The following PIAS1 variants were observed in gnomAD, a reference collection of about 807,000 sequenced individuals.
PIAS1 encodes E3 SUMO-protein ligase PIAS1.
PIAS1 carries 6 observed loss-of-function variants against 71.3 expected under a neutral mutation model. That is an observed-to-expected ratio of 0.08 (90% CI 0.05 to 0.17). The LOEUF is 0.17. PIAS1 is among the 10% of genes least tolerant of loss of function. The pLI is 1.00. For synonymous variants in PIAS1, 303 were observed against 292.9 expected (o/e 1.03, Z -0.35); for missense variants, 555 against 793.6 (o/e 0.70, Z 3.61).
chr15:68,091,070 G>T (rs1011514373), intron 2 of PIAS1, among the ~76,000 whole-genome samples: 1 of 151,852 alleles, frequency 6.6e-6, no homozygotes, highest in African/African-American at 2.4e-5. Context: ...TTTTAATCTT[G>T]ATAGGATGTT....
At chr15:68,140,952 G>A (rs1379203777) in intron 2 of PIAS1, among the ~76,000 whole-genome samples, 2 of 151,994 alleles carry the variant, frequency 1.3e-5, no homozygotes, top group Non-Finnish European at 2.9e-5. Flanking sequence ...CAAATAAATA[G>A]TATTCAGTGC....
intron 1 of PIAS1, among the ~76,000 whole-genome samples, chr15:68,058,284 T>G (rs919397241): frequency 2.6e-5 from 4 of 152,262 alleles, no homozygotes; most frequent in African/African-American, 9.6e-5. Flanking sequence ...ATCTTGCTTT[T>G]TTAATGTTTG....
At chr15:68,068,459 CTT>C (rs1317734300) in intron 1 of PIAS1, among the ~76,000 whole-genome samples, 2 of 151,092 alleles carry the variant, frequency 1.3e-5, no homozygotes, top group South Asian at 4.2e-4. Flanking sequence ...GGGGTTAAGT[CTT>C]TTTTTTTGAG....
chr15:68,173,515 C>G lies in PIAS1; in HGVS notation c.1009-217C>G, dbSNP rs1455749385. On this transcript the variant is annotated intron_variant, in intron 8 of 13. Transcript: ENST00000249636. This position sits in a 1 kb window ranked among gnomAD's most constrained non-coding sequence, Gnocchi z 4.3. ...GTAAATAACCCTTGTTGTAGACTTTCCATAGTCATTTTGTTTGATAGCCAA... is the reference window on the plus strand; with the variant it reads ...GTAAATAACCCTTGTTGTAGACTTTGCATAGTCATTTTGTTTGATAGCCAA... Among the ~76,000 whole-genome samples, 1 of 152,160 alleles carries G rather than the reference C, an allele frequency of 6.6e-6. No individual in the cohort carries two copies. Among genetic ancestry groups the G allele is most frequent in the Non-Finnish European group, 1.5e-5 (1 of 68,022 alleles).
intron 1 of PIAS1, among the ~76,000 whole-genome samples, chr15:68,069,892 G>C (rs571310852): frequency 6.6e-6 from 1 of 151,496 alleles, no homozygotes; most frequent in Admixed American, 6.6e-5. Flanking sequence ...TTCCATATTT[G>C]AATTTTTATA....
intron 2 of PIAS1, among the ~76,000 whole-genome samples, chr15:68,141,613 A>G (rs1181200819): frequency 3.9e-5 from 6 of 152,126 alleles, no homozygotes; most frequent in African/African-American, 7.2e-5. Flanking sequence ...ATATCATTCT[A>G]TTTTAAATAA....
At position 68,191,182 on chromosome 15, in the gene PIAS1, TTTAA is replaced by T. The variant is rs1444618380; in HGVS notation, c.*3348_*3351del. On this transcript the variant is annotated 3_prime_UTR_variant, in exon 14 of 14. Coordinates refer to ENST00000249636, the MANE Select transcript of PIAS1 (RefSeq NM_016166.3). ...TCCCAGAGTGTGCTGCTGTTAATTGTTTAACAAAGGGGAAAATGTACATAAACAG... is the reference window on the plus strand; with the variant it reads ...TCCCAGAGTGTGCTGCTGTTAATTGTCAAAGGGGAAAATGTACATAAACAG... 6.6e-6 allele frequency: 1 copy of T among 152,594 alleles called. No homozygotes were observed. Among genetic ancestry groups the T allele is most frequent in the Non-Finnish European group, 1.5e-5 (1 of 68,020 alleles). The allele number at this position is 152,594 out of a possible 1,614,324, so 9.5% of individuals were successfully genotyped here. A position where few individuals can be genotyped will look rare whatever the true frequency, so the allele number is the denominator to read the frequency against.
chr15:68,182,318 T>G (rs1341469755), intron 12 of PIAS1, among the ~76,000 whole-genome samples: 1 of 152,118 alleles, frequency 6.6e-6, no homozygotes, highest in East Asian at 1.9e-4. Context: ...GAACTTTTTT[T>G]TATTAAAAAA....
At chr15:68,058,457 G>A (rs984674613) in intron 1 of PIAS1, among the ~76,000 whole-genome samples, 4 of 152,178 alleles carry the variant, frequency 2.6e-5, no homozygotes, top group African/African-American at 7.2e-5. Flanking sequence ...ACTATTGCAA[G>A]GTCATACAAA....
intron 2 of PIAS1, among the ~76,000 whole-genome samples, chr15:68,101,420 C>G (rs2092425289): frequency 6.8e-6 from 1 of 147,044 alleles, no homozygotes; most frequent in Admixed American, 6.8e-5. Context: ...GTTTGCAGAT[C>G]TTTTCTCCTG....
At chr15:68,062,305 T>A (rs188122772) in intron 1 of PIAS1, among the ~76,000 whole-genome samples, 1 of 152,266 alleles carries the variant, frequency 6.6e-6, no homozygotes, top group East Asian at 1.9e-4. Context: ...AGGGAATCAT[T>A]TTGGTGTATA....
intron 7 of PIAS1, 126 bp downstream of exon 7, chr15:68,153,821 G>T: frequency 3.5e-6 from 2 of 565,052 alleles, no homozygotes; most frequent in East Asian, 3.0e-5. Context: ...TCTTAGAGTA[G>T]TTCTGATATC....
At chr15:68,069,629 C>T (rs949608334) in intron 1 of PIAS1, among the ~76,000 whole-genome samples, 1 of 151,936 alleles carries the variant, frequency 6.6e-6, no homozygotes, top group Non-Finnish European at 1.5e-5. Context: ...GGTGAAACCG[C>T]GTCTCTACTA....
chr15:68,100,330 T>A (rs950715376), intron 2 of PIAS1, among the ~76,000 whole-genome samples: 2 of 152,124 alleles, frequency 1.3e-5, no homozygotes, highest in Admixed American at 1.3e-4. Flanking sequence ...CTGTGCAGAT[T>A]TATCACATGT....
chr15:68,178,771 A>G lies in PIAS1; in HGVS notation c.1481+2117A>G, dbSNP rs1004257293. Among the ~76,000 whole-genome samples the G allele has an allele frequency of 3.9e-5, 6 of 152,116 alleles. No individual in the cohort carries two copies. The South Asian group carries it at 8.3e-4, about 21-fold the overall frequency. On this transcript the variant is annotated intron_variant, in intron 11 of 13. Transcript: ENST00000249636. The surrounding 1 kb of genome is among the most constrained non-coding windows in gnomAD (Gnocchi z 4.2). ...ATAGTAATATGTATTTATGTAAACTATGCAATAGTATTACTGACTATATAT... is the reference window on the plus strand; with the variant it reads ...ATAGTAATATGTATTTATGTAAACTGTGCAATAGTATTACTGACTATATAT...
intron 1 of PIAS1, among the ~76,000 whole-genome samples, chr15:68,083,854 A>G (rs572942986): frequency 2.0e-5 from 3 of 152,066 alleles, no homozygotes; most frequent in Admixed American, 6.6e-5. Flanking sequence ...CAACATAGCA[A>G]GACCCTATCT....
At chr15:68,163,049 C>T (rs1426343067) in intron 7 of PIAS1, among the ~76,000 whole-genome samples, 2 of 152,220 alleles carry the variant, frequency 1.3e-5, no homozygotes, top group Non-Finnish European at 2.9e-5. Context: ...CACTCGCAGA[C>T]ACTTTCAGAA....
intron 1 of PIAS1, among the ~76,000 whole-genome samples, chr15:68,062,666 C>T (rs1224271777): frequency 2.6e-5 from 4 of 152,114 alleles, no homozygotes; most frequent in Non-Finnish European, 5.9e-5. Flanking sequence ...ATTTTTTTCT[C>T]TGCATGGGCA....
At chr15:68,149,063 T>G (rs897126695) in intron 6 of PIAS1, among the ~76,000 whole-genome samples, 6 of 152,146 alleles carry the variant, frequency 3.9e-5, no homozygotes, top group African/African-American at 1.4e-4. Context: ...GGAAAAGGAC[T>G]GAGTGTGGGT....
Sources: gnomAD v4.1 joint callset for allele counts (sites outside exome capture counted in the v4.1 genomes callset) on GRCh38, gnomAD v4.1.1 for gene constraint, Gnocchi (gnomAD v3.1) non-coding constraint, MANE v1.5 for transcripts, NCBI Gene and HGNC (gene_info 2026-07-23, HGNC 2026-07-21) for gene names.